The following RGS7 variants were observed in gnomAD, a reference collection of about 807,000 sequenced individuals.
The protein encoded by RGS7 is regulator of G protein signaling 7.
A neutral mutation model predicts 81.1 loss-of-function variants in RGS7; 27 were observed. The observed-to-expected ratio is 0.33, with a 90% confidence interval of 0.25 to 0.46. The LOEUF is 0.46. RGS7 is among the 20% of genes least tolerant of loss of function. The probability of loss-of-function intolerance (pLI) is 1.00; values close to 1 mark genes in which losing one functional copy is unlikely to be tolerated. For synonymous variants in RGS7, 208 were observed against 207.7 expected (o/e 1.00, Z -0.01); for missense variants, 396 against 607.4 (o/e 0.65, Z 3.66).
At chr1:241,024,316 T>C (rs1279913258) in intron 3 of RGS7, among the ~76,000 whole-genome samples, 2 of 152,212 alleles carry the variant, frequency 1.3e-5, no homozygotes, top group Admixed American at 1.3e-4. Flanking sequence ...CAGATCTATT[T>C]TGGATCCAGG....
At chr1:240,907,264 G>A (rs939361761) in intron 6 of RGS7, among the ~76,000 whole-genome samples, 4 of 152,020 alleles carry the variant, frequency 2.6e-5, no homozygotes, top group African/African-American at 9.7e-5. Context: ...TCCTCTCCTT[G>A]TTCAGGAGAA....
chr1:241,328,181 A>C (rs982775166), intron 2 of RGS7, among the ~76,000 whole-genome samples: 1 of 152,230 alleles, frequency 6.6e-6, no homozygotes, highest in Non-Finnish European at 1.5e-5. Context: ...CAAGTTTTTC[A>C]TAGGAATCTA....
intron 2 of RGS7, among the ~76,000 whole-genome samples, chr1:241,223,720 AAAAG>A (rs1191846622): frequency 4.6e-5 from 7 of 152,166 alleles, no homozygotes; most frequent in Admixed American, 2.0e-4. Context: ...CAAAAAAAAA[AAAAG>A]AAAGAAAATT....
chr1:241,089,555 T>C (rs1184199899), intron 3 of RGS7, among the ~76,000 whole-genome samples: 2 of 151,950 alleles, frequency 1.3e-5, no homozygotes, highest in Admixed American at 1.3e-4. Context: ...CAGTTACCCC[T>C]CGATTGATGT....
In RGS7 at chr1:241,127,548, G is replaced by T. The variant is rs1018247108; in HGVS notation, c.79-28786C>A. ...CACACACCGGGGACTGTTGTGGCGT[G>T]GGGGGAGCGGGGAGGGATAGCGTTA... On this transcript the variant is annotated intron_variant, in intron 2 of 18. Transcript: ENST00000440928. 5.3e-5 allele frequency among the ~76,000 whole-genome samples: 8 copies of T among 152,092 alleles called. No homozygotes were observed. The East Asian group carries it at 1.4e-3, about 26-fold the overall frequency.
intron 2 of RGS7, among the ~76,000 whole-genome samples, chr1:241,171,195 T>C (rs527530292): frequency 6.6e-6 from 1 of 152,230 alleles, no homozygotes; most frequent in Non-Finnish European, 1.5e-5. Context: ...ACTACCTAAA[T>C]AGGTGACCGT....
chr1:241,116,849 T>C (rs769653923), intron 2 of RGS7, among the ~76,000 whole-genome samples: 1 of 152,222 alleles, frequency 6.6e-6, no homozygotes. Flanking sequence ...TTGTTAACTA[T>C]AGTCATCTGA....
intron 3 of RGS7, among the ~76,000 whole-genome samples, chr1:241,003,746 A>ATTAT (rs939062763): frequency 1.3e-5 from 2 of 151,880 alleles, no homozygotes; most frequent in Non-Finnish European, 2.9e-5. Context: ...CACTCACCAG[A>ATTAT]TTATTTATTT....
intron 10 of RGS7, among the ~76,000 whole-genome samples, chr1:240,823,630 A>T (rs745639508): frequency 1.2e-4 from 19 of 152,066 alleles, no homozygotes; most frequent in African/African-American, 4.6e-4. Flanking sequence ...GAGGCAACCA[A>T]CCCAACAAAA....
intron 4 of RGS7, among the ~76,000 whole-genome samples, chr1:240,951,597 G>A (rs370580377): frequency 1.4e-4 from 21 of 151,962 alleles, no homozygotes; most frequent in Middle Eastern, 3.4e-3. Flanking sequence ...ACTGAAATTC[G>A]AAGAAAAAAA....
At chr1:240,831,602 TACATGACAACAGA>T (rs1693843818) in intron 9 of RGS7, among the ~76,000 whole-genome samples, 1 of 151,180 alleles carries the variant, frequency 6.6e-6, no homozygotes, top group South Asian at 2.1e-4. Flanking sequence ...CACAGAGCAT[TACATGACAACAGA>T]ACATTCCAGA....
At chr1:240,898,863 G>A (rs1439603715) in intron 6 of RGS7, among the ~76,000 whole-genome samples, 1 of 152,118 alleles carries the variant, frequency 6.6e-6, no homozygotes, top group Non-Finnish European at 1.5e-5. Flanking sequence ...TCGTTGATCT[G>A]TCTAATGTTG....
chr1:241,073,905 CTTT>C (rs200571282), intron 3 of RGS7, among the ~76,000 whole-genome samples: 7 of 141,574 alleles, frequency 4.9e-5, no homozygotes, highest in African/African-American at 5.1e-5. Context: ...CTCTTCGTTC[CTTT>C]TTTTTTTTTT....
intron 11 of RGS7, among the ~76,000 whole-genome samples, chr1:240,815,733 T>G (rs1002166402): frequency 1.3e-5 from 2 of 152,206 alleles, no homozygotes; most frequent in African/African-American, 4.8e-5. Context: ...CATGAGATTA[T>G]TTGATTTCAG....
At chr1:241,300,417 A>G (rs934031369) in intron 2 of RGS7, among the ~76,000 whole-genome samples, 2 of 152,136 alleles carry the variant, frequency 1.3e-5, no homozygotes, top group African/African-American at 2.4e-5. Context: ...TGTTCCATCT[A>G]TTTATCCCTC....
intron 2 of RGS7, among the ~76,000 whole-genome samples, chr1:241,276,706 C>T (rs865976346): frequency 2.0e-5 from 3 of 152,280 alleles, no homozygotes; most frequent in Middle Eastern, 3.4e-3. Context: ...ATGGAATGTT[C>T]CTTCTCTCCC....
intron 2 of RGS7, among the ~76,000 whole-genome samples, chr1:241,225,951 C>T (rs1163500174): frequency 6.6e-6 from 1 of 152,132 alleles, no homozygotes; most frequent in Admixed American, 6.6e-5. Context: ...ACAGTTGAGA[C>T]CTACTCAAGG....
chr1:241,042,029 G>A (rs980059410), intron 3 of RGS7, among the ~76,000 whole-genome samples: 4 of 152,180 alleles, frequency 2.6e-5, no homozygotes, highest in African/African-American at 9.7e-5. Context: ...CTAAGATACT[G>A]CAGTGGAACA....
At chr1:241,201,501 A>C (rs1327600696) in intron 2 of RGS7, among the ~76,000 whole-genome samples, 1 of 152,094 alleles carries the variant, frequency 6.6e-6, no homozygotes, top group East Asian at 1.9e-4. Context: ...CCATAAACCC[A>C]TGATTTTCTA....
Sources: gnomAD v4.1 joint callset for allele counts (sites outside exome capture counted in the v4.1 genomes callset) on GRCh38, gnomAD v4.1.1 for gene constraint, MANE v1.5 for transcripts, NCBI Gene and HGNC (gene_info 2026-07-23, HGNC 2026-07-21) for gene names.